Variants in TAF4 observed in about 807,000 individuals in gnomAD.
The protein encoded by TAF4 is transcription initiation factor TFIID subunit 4.
TAF4 carries 9 observed loss-of-function variants against 90.3 expected under a neutral mutation model. The ratio of observed to expected loss-of-function variants is 0.10; its 90% confidence interval spans 0.06 to 0.17. The LOEUF (loss-of-function observed/expected upper bound fraction) is 0.17. TAF4 is among the 10% of genes least tolerant of loss of function. TAF4 has a pLI of 1.00. For missense variants in TAF4, 1,351 were observed against 1,370.7 expected (o/e 0.99, Z 0.23); for synonymous variants, 818 against 638.9 (o/e 1.28, Z -4.23).
Position 62,006,956 on chromosome 20 carries a change from A to T in TAF4, c.1975-198T>A. On this transcript the variant is annotated intron_variant, in intron 6 of 14. Transcript: ENST00000252996. The surrounding 1 kb of genome is among the most constrained non-coding windows in gnomAD (Gnocchi z 7.0). ...CCCACTAAGTGGGATTATTCCTGATAGCAAATGTCCAAAATGTGTTCAAGA... is the reference window on the plus strand; with the variant it reads ...CCCACTAAGTGGGATTATTCCTGATTGCAAATGTCCAAAATGTGTTCAAGA... 2 of 599,930 alleles carry T rather than the reference A, an allele frequency of 3.3e-6. No individual in the cohort carries two copies. The highest frequency in any genetic ancestry group is 4.9e-6 in the Non-Finnish European group (2 of 405,528). The allele number at this position is 599,930 out of a possible 1,614,324, so 37.2% of individuals were successfully genotyped here.
At chr20:61,976,807 T>G (rs762980991) in intron 14 of TAF4, among the ~76,000 whole-genome samples, 1 of 152,170 alleles carries the variant, frequency 6.6e-6, no homozygotes, top group South Asian at 2.1e-4. Context: ...GCATGCTGGG[T>G]CAGCTGGGAA....
chr20:61,977,373 A>G (rs78821815), intron 14 of TAF4, among the ~76,000 whole-genome samples: 3,295 of 152,340 alleles, frequency 0.022, 122 homozygotes, highest in African/African-American at 0.076. Context: ...TTAAGTACAA[A>G]GATTACGATG....
chr20:61,976,736 T>C (rs904359881), intron 14 of TAF4, among the ~76,000 whole-genome samples: 2 of 152,214 alleles, frequency 1.3e-5, no homozygotes, highest in Admixed American at 6.5e-5. Flanking sequence ...GGTCTGTGTG[T>C]GTCATCCCCG....
chr20:62,019,065 A>G lies in TAF4; in HGVS notation c.1361-4358T>C, dbSNP rs373539139. On this transcript the variant is annotated intron_variant, in intron 1 of 14. Transcript: ENST00000252996. ...AAACCCCACACCAGCCAATGTGCAC[A>G]TACAACCACCACAATGGGTCAGGGT... 6.6e-5 allele frequency among the ~76,000 whole-genome samples: 10 copies of G among 152,138 alleles called. No homozygotes were observed. In the South Asian group the frequency reaches 1.5e-3, roughly 22 times the overall value.
intron 7 of TAF4, chr20:62,005,023 T>C (rs1380080759): frequency 6.6e-6 from 1 of 152,324 alleles, no homozygotes; most frequent in African/African-American, 2.4e-5. Flanking sequence ...AAAGGTGCCC[T>C]GGCAGGTAAA....
chr20:62,040,604 C>T (rs933622157), intron 1 of TAF4, among the ~76,000 whole-genome samples: 24 of 152,258 alleles, frequency 1.6e-4, no homozygotes, highest in Admixed American at 1.4e-3. Context: ...GCGCCAACTA[C>T]GCCTCCATAA....
intron 14 of TAF4, among the ~76,000 whole-genome samples, chr20:61,988,065 G>A (rs1486571555): frequency 6.6e-6 from 1 of 152,178 alleles, no homozygotes; most frequent in African/African-American, 2.4e-5. Flanking sequence ...AGGAGGGGAG[G>A]GATGAACGGG....
intron 14 of TAF4, among the ~76,000 whole-genome samples, chr20:61,989,905 C>A (rs572868988): frequency 6.6e-6 from 1 of 152,200 alleles, no homozygotes; most frequent in Non-Finnish European, 1.5e-5. Flanking sequence ...GACTGAGCAG[C>A]CCCAGGGGTG....
rs532531369 is a variant in TAF4, at chr20:62,013,761, C to T, written c.1521+786G>A. Among the ~76,000 whole-genome samples, 4 of 152,320 alleles carry T rather than the reference C, an allele frequency of 2.6e-5. No homozygotes were observed. In the East Asian group the frequency reaches 7.7e-4, roughly 29 times the overall value. The stretch of plus-strand genomic sequence containing the variant: ...AGACGGGGCAGGAACACGCAGCGTG[C>T]GGGCACGTGCAGGTGACAGTCATGG... On this transcript the variant is annotated intron_variant, in intron 2 of 14. Transcript: ENST00000252996.
chr20:61,989,879 C>T (rs371489059), intron 14 of TAF4, among the ~76,000 whole-genome samples: 2 of 152,326 alleles, frequency 1.3e-5, no homozygotes, highest in African/African-American at 4.8e-5. Context: ...AGAAGGGGTG[C>T]CTGAAGCATC....
At chr20:62,026,214 T>C (rs2055873824) in intron 1 of TAF4, among the ~76,000 whole-genome samples, 1 of 152,094 alleles carries the variant, frequency 6.6e-6, no homozygotes, top group Non-Finnish European at 1.5e-5. Flanking sequence ...CCGAGAGTCG[T>C]ATTAACAACT....
Position 62,006,915 on chromosome 20 carries a change from G to A in TAF4, c.1975-157C>T. On this transcript the variant is annotated intron_variant, in intron 6 of 14. Transcript: ENST00000252996. This position sits in a 1 kb window ranked among gnomAD's most constrained non-coding sequence, Gnocchi z 7.0. ...AGCATGTCTGGATGTCAAGGGCCAGGACCCCATCCTGCCCTCCCACTAAGT... is the reference window on the plus strand; with the variant it reads ...AGCATGTCTGGATGTCAAGGGCCAGAACCCCATCCTGCCCTCCCACTAAGT... 1 of 1,022,584 alleles carries A rather than the reference G, an allele frequency of 9.8e-7. No individual in the cohort carries two copies. The allele number at this position is 1,022,584 out of a possible 1,614,324, so 63.3% of individuals were successfully genotyped here.
At chr20:61,988,950 T>C (rs1002869457) in intron 14 of TAF4, among the ~76,000 whole-genome samples, 1 of 151,648 alleles carries the variant, frequency 6.6e-6, no homozygotes, top group African/African-American at 2.4e-5. Context: ...CATCCAATCC[T>C]CCCTCCTGGC....
At chr20:62,002,633 G>A (rs966174717) in intron 9 of TAF4, among the ~76,000 whole-genome samples, 1 of 152,194 alleles carries the variant, frequency 6.6e-6, no homozygotes, top group African/African-American at 2.4e-5. Flanking sequence ...TAGGCCCACA[G>A]GCACACACCA....
intron 7 of TAF4, 89 bp from the exon 8 acceptor site, chr20:62,003,967 CCTTTG>C: frequency 6.9e-7 from 1 of 1,442,076 alleles, no homozygotes; most frequent in Non-Finnish European, 9.1e-7. Context: ...CCCTTCCCTT[CCTTTG>C]CACCCCACGC....
rs556908056 is a variant in TAF4, at chr20:61,998,364, A to T, written c.2914-172T>A. Among the ~76,000 whole-genome samples the T allele has an allele frequency of 9.8e-5, 15 of 152,386 alleles. No homozygotes were observed. In the South Asian group the frequency reaches 3.1e-3, roughly 32 times the overall value. Reference sequence around the variant, plus strand: ...ATGAAAATTTACATCACACACCATGAAAAAAGCCAGTAATCTTGAGAAAAG... The same window carrying T: ...ATGAAAATTTACATCACACACCATGTAAAAAGCCAGTAATCTTGAGAAAAG... On this transcript the variant is annotated intron_variant, in intron 12 of 14. Transcript: ENST00000252996.
At chr20:62,036,652 A>G (rs1035087322) in intron 1 of TAF4, among the ~76,000 whole-genome samples, 4 of 152,240 alleles carry the variant, frequency 2.6e-5, no homozygotes, top group African/African-American at 9.6e-5. Context: ...TCAAAATTAA[A>G]TCAGTGTAAT....
At chr20:62,032,962 G>A (rs1430995191) in intron 1 of TAF4, among the ~76,000 whole-genome samples, 1 of 152,214 alleles carries the variant, frequency 6.6e-6, no homozygotes, top group East Asian at 1.9e-4. Context: ...GGCCTCATCT[G>A]AGCACCGAGA....
At chr20:62,016,769 T>A (rs56787595) in intron 1 of TAF4, among the ~76,000 whole-genome samples, 29,660 of 152,010 alleles carry the variant, frequency 0.2, 3,672 homozygotes, top group East Asian at 0.47. Flanking sequence ...CCCTTTAGAG[T>A]ACGCTAATAC....
Sources: allele counts gnomAD v4.1 joint callset (sites outside exome capture counted in the v4.1 genomes callset), GRCh38; gene constraint gnomAD v4.1.1; non-coding constraint Gnocchi (gnomAD v3.1); transcripts MANE v1.5; gene names NCBI Gene and HGNC (gene_info 2026-07-23, HGNC 2026-07-21).